LSM8: variants seen among roughly 807,000 people sequenced by gnomAD.
The protein encoded by LSM8 is LSM8 U6 small nuclear RNA associated.
LSM8 carries 14 observed loss-of-function variants against 15.0 expected under a neutral mutation model. The ratio of observed to expected loss-of-function variants is 0.93; its 90% CI spans 0.62 to 1.46. The LOEUF (loss-of-function observed/expected upper bound fraction) is 1.46, where lower values mean the gene tolerates loss of function less well. Among genes scored for constraint, LSM8 ranks in the 40% most tolerant of loss-of-function variants. LSM8 has a pLI of 0.00. For missense variants in LSM8, 90 were observed against 115.4 expected (o/e 0.78, Z 1.01); for synonymous variants, 50 against 42.1 (o/e 1.19, Z -0.73).
At position 118,197,900 on chromosome 7, in the gene LSM8, G is replaced by T. The variant is rs546634716; in HGVS notation, c.*5898G>T. Among the ~76,000 whole-genome samples, 4 of 152,234 alleles carry T rather than the reference G, an allele frequency of 2.6e-5. No individual in the cohort carries two copies. Among genetic ancestry groups the T allele is most frequent in the African/African-American group, 9.6e-5 (4 of 41,554 alleles). ...CTGTCAAGATTAAGATAAGCAGTTAGCACTCCCTAGAACATACTAATTTGT... is the reference window on the plus strand; with the variant it reads ...CTGTCAAGATTAAGATAAGCAGTTATCACTCCCTAGAACATACTAATTTGT... On this transcript the variant is annotated 3_prime_UTR_variant, in exon 4 of 4. Transcript: ENST00000249299.
At chr7:118,184,408 GCCTCGAGC>G in intron 1 of LSM8, 154 bp downstream of exon 1, 1 of 879,624 alleles carries the variant, frequency 1.1e-6, no homozygotes, top group Non-Finnish European at 1.6e-6. Context: ...CGCCGGCGGC[GCCTCGAGC>G]CTTCCCGCTG....
In LSM8 at chr7:118,184,173, C is replaced by G. The variant is rs1223856727; in HGVS notation, c.-51C>G. 3 of 1,544,018 alleles carry G rather than the reference C, an allele frequency of 1.9e-6. No individual in the cohort carries two copies. The highest frequency in any genetic ancestry group is 2.5e-5 in the East Asian group (1 of 39,670). The stretch of plus-strand genomic sequence containing the variant: ...CGGGTTCTGGCGCGCCCTTTCAGTT[C>G]TGCTTGCTGTCGGCACCGCTGCGTT... On this transcript the variant is annotated 5_prime_UTR_variant, in exon 1 of 4. Transcript: ENST00000249299.
rs1019457649 is a variant in LSM8, at chr7:118,193,387, A to G, written c.*1385A>G. Among the ~76,000 whole-genome samples, 9 of 152,132 alleles carry G rather than the reference A, an allele frequency of 5.9e-5. No individual in the cohort carries two copies. The highest frequency in any genetic ancestry group is 1.0e-4 in the Non-Finnish European group (7 of 67,964). Reference sequence around the variant, plus strand: ...TGGAATAGATCCTTATAGAGAGTTTAGAGGTGGGTTTCATTCATATTTTAA... The same window carrying G: ...TGGAATAGATCCTTATAGAGAGTTTGGAGGTGGGTTTCATTCATATTTTAA... On this transcript the variant is annotated 3_prime_UTR_variant, in exon 4 of 4. Transcript: ENST00000249299.
At position 118,200,879 on chromosome 7, in the gene LSM8, A is replaced by G. The variant is rs956744926; in HGVS notation, c.*8877A>G. On this transcript the variant is annotated 3_prime_UTR_variant, in exon 4 of 4. Coordinates refer to ENST00000249299, the MANE Select transcript of LSM8 (RefSeq NM_016200.5). ...GTTTCTTGTAAAAAAGGAGGTTTCT[A>G]AATCTTGACTGTTGATTGACAATTA... 1.3e-5 allele frequency among the ~76,000 whole-genome samples: 2 copies of G among 152,092 alleles called. No individual in the cohort carries two copies. The highest frequency in any genetic ancestry group is 4.8e-5 in the African/African-American group (2 of 41,448).
rs62466474 is a variant in LSM8 at position 118,193,801 on chromosome 7, A to G, written c.*1799A>G. On this transcript the variant is annotated 3_prime_UTR_variant, in exon 4 of 4. Transcript: ENST00000249299. Reference sequence around the variant, plus strand: ...CAGTACAAATGAAGTCCAGAGTCAGATCTTTTCTCAAAATACTTGGCATAT... The same window carrying G: ...CAGTACAAATGAAGTCCAGAGTCAGGTCTTTTCTCAAAATACTTGGCATAT... Among the ~76,000 whole-genome samples the G allele has an allele frequency of 0.069, 10,431 of 152,176 alleles. 388 individuals are homozygous for G. The highest frequency in any genetic ancestry group is 0.11 in the East Asian group (564 of 5,180).
rs1392038979 is a variant in LSM8, at chr7:118,201,069, A to G, written c.*9067A>G. Among the ~76,000 whole-genome samples, 1 of 152,122 alleles carries G rather than the reference A, an allele frequency of 6.6e-6. No individual in the cohort carries two copies. The highest frequency in any genetic ancestry group is 2.4e-5 in the African/African-American group (1 of 41,440). ...TATCACTCATAGTTACTAAAAATGC[A>G]AAAGGCAAATTTGAAATAACTATAA... On this transcript the variant is annotated 3_prime_UTR_variant, in exon 4 of 4. Transcript: ENST00000249299.
At position 118,192,085 on chromosome 7, in the gene LSM8, TG is replaced by T; in HGVS notation, c.*84del. ...GGATGATATATGGAGTTTTTATGAGTGTGTCACTGGATTTTGACTCCTTATT... is the reference window on the plus strand; with the variant it reads ...GGATGATATATGGAGTTTTTATGAGTTGTCACTGGATTTTGACTCCTTATT... On this transcript the variant is annotated 3_prime_UTR_variant, in exon 4 of 4. Transcript: ENST00000249299. 1.2e-6 allele frequency: 1 copy of T among 847,778 alleles called. No homozygotes were observed. Among genetic ancestry groups the T allele is most frequent in the East Asian group, 2.8e-5 (1 of 35,362 alleles). 52.5% of individuals were successfully genotyped at this position (847,778 alleles called of 1,614,324 possible). A position where few individuals can be genotyped will look rare whatever the true frequency, so the allele number is the denominator to read the frequency against.
chr7:118,199,155 A>G lies in LSM8; in HGVS notation c.*7153A>G, dbSNP rs1809129138. On this transcript the variant is annotated 3_prime_UTR_variant, in exon 4 of 4. Coordinates refer to ENST00000249299, the MANE Select transcript of LSM8 (RefSeq NM_016200.5). ...ATTTTAATCTATATCCTCTCACTAT[A>G]ATCTGCAACTGGGAGCATAGCAGCT... Among the ~76,000 whole-genome samples, 1 of 152,136 alleles carries G rather than the reference A, an allele frequency of 6.6e-6. No individual in the cohort carries two copies. The highest frequency in any genetic ancestry group is 2.4e-5 in the African/African-American group (1 of 41,432).
chr7:118,188,203 T>A (rs1294105136), intron 2 of LSM8, 75 bp from the exon 3 acceptor site: 1 of 1,529,806 alleles, frequency 6.5e-7, no homozygotes, highest in Admixed American at 1.7e-5. Context: ...GCAACTAAAA[T>A]GACTGTGAGG....
In LSM8 at chr7:118,192,074, GTT is replaced by G; in HGVS notation, c.*76_*77del. On this transcript the variant is annotated 3_prime_UTR_variant, in exon 4 of 4. Coordinates refer to ENST00000249299, the MANE Select transcript of LSM8 (RefSeq NM_016200.5). ...GATTATTCTGAGGATGATATATGGA[GTT>G]TTTATGAGTGTGTCACTGGATTTTG... The G allele has an allele frequency of 9.0e-7, 1 of 1,110,582 alleles. No homozygotes were observed. Among genetic ancestry groups the G allele is most frequent in the Non-Finnish European group, 1.3e-6 (1 of 770,832 alleles). 68.8% of individuals were successfully genotyped at this position (1,110,582 alleles called of 1,614,324 possible).
rs936386568 is a variant in LSM8, at chr7:118,196,048, A to G, written c.*4046A>G. Among the ~76,000 whole-genome samples, 6 of 152,192 alleles carry G rather than the reference A, an allele frequency of 3.9e-5. No individual in the cohort carries two copies. The highest frequency in any genetic ancestry group is 7.4e-5 in the Non-Finnish European group (5 of 68,018). On this transcript the variant is annotated 3_prime_UTR_variant, in exon 4 of 4. Transcript: ENST00000249299. ...AAACCATGAGACGTGCTTAGTCTTC[A>G]TAAATCGATGCTGCCTCCTAGTGGC...
In LSM8 at chr7:118,197,667, T is replaced by A. The variant is rs1216836610; in HGVS notation, c.*5665T>A. 6.6e-6 allele frequency among the ~76,000 whole-genome samples: 1 copy of A among 152,202 alleles called. No individual in the cohort carries two copies. Among genetic ancestry groups the A allele is most frequent in the Non-Finnish European group, 1.5e-5 (1 of 68,038 alleles). On this transcript the variant is annotated 3_prime_UTR_variant, in exon 4 of 4. Coordinates refer to ENST00000249299, the MANE Select transcript of LSM8 (RefSeq NM_016200.5). ...ACTTGGATAAGCTTTATTTTAATTG[T>A]GATTCTGCTAATTACAGAGACACTT...
Position 118,203,720 on chromosome 7 carries a change from A to T in LSM8, c.*11718A>T, listed in dbSNP as rs1809204383. 6.6e-6 allele frequency among the ~76,000 whole-genome samples: 1 copy of T among 151,838 alleles called. No individual in the cohort carries two copies. The highest frequency in any genetic ancestry group is 1.5e-5 in the Non-Finnish European group (1 of 67,776). ...CATCAAGATTCTCTTCCTTTTTATG[A>T]TTCTATAGTAACAGTTTAGTTGAGA... On this transcript the variant is annotated 3_prime_UTR_variant, in exon 4 of 4. Transcript: ENST00000249299.
In LSM8 at chr7:118,197,741, A is replaced by T. The variant is rs1486474876; in HGVS notation, c.*5739A>T. On this transcript the variant is annotated 3_prime_UTR_variant, in exon 4 of 4. Coordinates refer to ENST00000249299, the MANE Select transcript of LSM8 (RefSeq NM_016200.5). ...GATTTTTAAAAGGAAATTGTTGATT[A>T]GGGTCTTGGGCTAGTCCAGTGTAGC... is the stretch of plus-strand genomic sequence containing the variant. Among the ~76,000 whole-genome samples the T allele has an allele frequency of 6.6e-6, 1 of 152,200 alleles. No individual in the cohort carries two copies. The highest frequency in any genetic ancestry group is 2.4e-5 in the African/African-American group (1 of 41,458).
Position 118,192,128 on chromosome 7 carries a change from T to C in LSM8, c.*126T>C. The C allele has an allele frequency of 3.9e-6, 2 of 513,160 alleles. No homozygotes were observed. The highest frequency in any genetic ancestry group is 3.1e-6 in the Non-Finnish European group (1 of 320,306). 31.8% of individuals were successfully genotyped at this position (513,160 alleles called of 1,614,324 possible). A position where few individuals can be genotyped will look rare whatever the true frequency, so the allele number is the denominator to read the frequency against. On this transcript the variant is annotated 3_prime_UTR_variant, in exon 4 of 4. Coordinates refer to ENST00000249299, the MANE Select transcript of LSM8 (RefSeq NM_016200.5). ...CTCCTTATTGATTCATTGTAATATG[T>C]AAATTAAAATATTTCTACATTTTAT...
At chr7:118,188,197 C>T in intron 2 of LSM8, 81 bp from the exon 3 acceptor site, 1 of 1,508,102 alleles carries the variant, frequency 6.6e-7, no homozygotes, top group Non-Finnish European at 9.2e-7. Context: ...TACCTGGCAA[C>T]TAAAATGACT....
At position 118,197,480 on chromosome 7, in the gene LSM8, A is replaced by T. The variant is rs188930732; in HGVS notation, c.*5478A>T. ...AAATGATTATAATAAATCATACTCT[A>T]GAAAACTCATTAACTGATACAAGTT... On this transcript the variant is annotated 3_prime_UTR_variant, in exon 4 of 4. Transcript: ENST00000249299. Among the ~76,000 whole-genome samples, 5 of 152,316 alleles carry T rather than the reference A, an allele frequency of 3.3e-5. No homozygotes were observed. The East Asian group carries it at 9.7e-4, about 29-fold the overall frequency.
intron 3 of LSM8, 146 bp downstream of exon 3, chr7:118,188,551 T>C (rs566106005): frequency 5.5e-5 from 40 of 725,574 alleles, no homozygotes; most frequent in African/African-American, 5.4e-4. Context: ...CCTTTTCTTA[T>C]GTTTGTGTAA....
chr7:118,197,287 G>C lies in LSM8; in HGVS notation c.*5285G>C, dbSNP rs1054039362. On this transcript the variant is annotated 3_prime_UTR_variant, in exon 4 of 4. Coordinates refer to ENST00000249299, the MANE Select transcript of LSM8 (RefSeq NM_016200.5). ...TATTACATTTGAAATACGTTAAAAA[G>C]AATCCAGGAGTCAGGGTGGGTGGGG... Among the ~76,000 whole-genome samples, 1 of 150,764 alleles carries C rather than the reference G, an allele frequency of 6.6e-6. No homozygotes were observed. The highest frequency in any genetic ancestry group is 1.5e-5 in the Non-Finnish European group (1 of 67,812).
Sources: gnomAD v4.1 joint callset for allele counts (sites outside exome capture counted in the v4.1 genomes callset) on GRCh38, gnomAD v4.1.1 for gene constraint, MANE v1.5 for transcripts, NCBI Gene and HGNC (gene_info 2026-07-23, HGNC 2026-07-21) for gene names.